Variants in MAPKAP1 observed in about 807,000 individuals in gnomAD.
The protein encoded by MAPKAP1 is target of rapamycin complex 2 subunit MAPKAP1.
Under a neutral mutation model 65.7 loss-of-function variants are expected in MAPKAP1, and 20 were observed. The ratio of observed to expected loss-of-function variants is 0.30; its 90% CI spans 0.21 to 0.44. MAPKAP1 has a LOEUF of 0.44. MAPKAP1 is among the 20% of genes least tolerant of loss of function. The pLI, the probability that MAPKAP1 is intolerant of heterozygous loss-of-function variation, is 1.00. For synonymous variants in MAPKAP1, 222 were observed against 244.3 expected (o/e 0.91, Z 0.85); for missense variants, 423 against 648.0 (o/e 0.65, Z 3.77).
intron 10 of MAPKAP1, among the ~76,000 whole-genome samples, chr9:125,450,848 G>C (rs1211073186): frequency 1.3e-5 from 2 of 152,104 alleles, no homozygotes; most frequent in African/African-American, 4.8e-5. Flanking sequence ...GGGTTCTTTG[G>C]TCTCTGGGCT....
At chr9:125,442,745 C>T (rs1471625184) in intron 11 of MAPKAP1, among the ~76,000 whole-genome samples, 1 of 152,184 alleles carries the variant, frequency 6.6e-6, no homozygotes, top group Non-Finnish European at 1.5e-5. Flanking sequence ...TATGAACCCT[C>T]TCCCTTTCAT....
intron 7 of MAPKAP1, among the ~76,000 whole-genome samples, chr9:125,533,495 G>A (rs551887702): frequency 1.3e-5 from 2 of 151,696 alleles, no homozygotes; most frequent in Admixed American, 6.6e-5. Context: ...TGTCACCCAC[G>A]CTAGAGTACA....
chr9:125,511,616 T>C (rs1286752078), intron 7 of MAPKAP1, among the ~76,000 whole-genome samples: 2 of 152,160 alleles, frequency 1.3e-5, no homozygotes, highest in African/African-American at 4.8e-5. Context: ...GAGGCTGACA[T>C]GGGAGGAAAA....
At chr9:125,542,996 C>G (rs141918014) in intron 7 of MAPKAP1, 63 bp downstream of exon 7, 18 of 1,071,430 alleles carry the variant, frequency 1.7e-5, no homozygotes, top group African/African-American at 9.3e-5. Flanking sequence ...ACACACACCC[C>G]CTATGCCCTT....
At chr9:125,658,777 C>T (rs1588046553) in intron 3 of MAPKAP1, among the ~76,000 whole-genome samples, 1 of 152,104 alleles carries the variant, frequency 6.6e-6, no homozygotes, top group African/African-American at 2.4e-5. Context: ...ATCAAGGTGG[C>T]GGTAGCTAGA....
chr9:125,630,738 G>T (rs74413993), intron 4 of MAPKAP1, among the ~76,000 whole-genome samples: 6,355 of 151,992 alleles, frequency 0.042, 271 homozygotes, highest in African/African-American at 0.11. Context: ...TTGGAAATGG[G>T]GCCTAATGGG....
chr9:125,643,229 C>T (rs750377088), intron 4 of MAPKAP1, among the ~76,000 whole-genome samples: 4 of 151,578 alleles, frequency 2.6e-5, no homozygotes, highest in Non-Finnish European at 5.9e-5. Context: ...GAGTCTCACT[C>T]TGTCACCCAG....
At chr9:125,479,928 C>G (rs950310261) in intron 9 of MAPKAP1, among the ~76,000 whole-genome samples, 1 of 152,168 alleles carries the variant, frequency 6.6e-6, no homozygotes, top group Non-Finnish European at 1.5e-5. Flanking sequence ...GGTGACCATC[C>G]ATCAGTGTCA....
At chr9:125,472,565 T>C (rs1326020566) in intron 9 of MAPKAP1, among the ~76,000 whole-genome samples, 2 of 152,224 alleles carry the variant, frequency 1.3e-5, no homozygotes, top group African/African-American at 4.8e-5. Flanking sequence ...AGGCACTCCT[T>C]ACAGTGTCAC....
At chr9:125,650,811 T>A (rs1294730628) in intron 4 of MAPKAP1, among the ~76,000 whole-genome samples, 1 of 152,160 alleles carries the variant, frequency 6.6e-6, no homozygotes. Flanking sequence ...AAACATTTTG[T>A]TGTGATTCCT....
intron 4 of MAPKAP1, among the ~76,000 whole-genome samples, chr9:125,641,248 G>A (rs1361774602): frequency 6.6e-6 from 1 of 152,032 alleles, no homozygotes; most frequent in Non-Finnish European, 1.5e-5. Context: ...ACACATAATA[G>A]CCATTCAAAA....
chr9:125,563,725 ATTATTT>A (rs931569682), intron 5 of MAPKAP1, among the ~76,000 whole-genome samples: 15 of 151,464 alleles, frequency 9.9e-5, no homozygotes, highest in Non-Finnish European at 1.9e-4. Context: ...TATTATTATT[ATTATTT>A]TTGAGATGGA....
At position 125,609,339 on chromosome 9, in the gene MAPKAP1, G is replaced by GAT. The variant is rs559012094; in HGVS notation, c.499-23614_499-23613dup. On this transcript the variant is annotated intron_variant, in intron 4 of 11. Transcript: ENST00000265960. ...ACTTCCTTTGACCCAAAGGGGTAGG[G>GAT]ATATATATGCTCAACTAAATGAACA... is the stretch of plus-strand genomic sequence containing the variant. 1.7e-4 allele frequency among the ~76,000 whole-genome samples: 26 copies of GAT among 152,224 alleles called. No homozygotes were observed. The East Asian group carries it at 4.8e-3, about 28-fold the overall frequency.
At chr9:125,578,661 C>T (rs932177798) in intron 5 of MAPKAP1, among the ~76,000 whole-genome samples, 8 of 152,144 alleles carry the variant, frequency 5.3e-5, no homozygotes, top group African/African-American at 1.2e-4. Flanking sequence ...CAAATAAGAC[C>T]GGTTTATACT....
intron 8 of MAPKAP1, among the ~76,000 whole-genome samples, 195 bp from the exon 9 acceptor site, chr9:125,484,778 A>G (rs1854440670): frequency 6.6e-6 from 1 of 152,202 alleles, no homozygotes; most frequent in Admixed American, 6.5e-5. Context: ...AATTAATTCC[A>G]CAAACACTAT....
chr9:125,639,167 G>C (rs1048442668), intron 4 of MAPKAP1, among the ~76,000 whole-genome samples: 1 of 152,188 alleles, frequency 6.6e-6, no homozygotes, highest in Non-Finnish European at 1.5e-5. Context: ...CTTGAACCCA[G>C]GAGGCGGAGG....
At chr9:125,523,934 T>C (rs2133121303) in intron 7 of MAPKAP1, among the ~76,000 whole-genome samples, 1 of 152,374 alleles carries the variant, frequency 6.6e-6, no homozygotes, top group African/African-American at 2.4e-5. Context: ...TGGCTCCACC[T>C]GTCAACAGGG....
intron 1 of MAPKAP1, among the ~76,000 whole-genome samples, chr9:125,703,928 AGTTT>A (rs1835682227): frequency 6.6e-6 from 1 of 152,204 alleles, no homozygotes; most frequent in South Asian, 2.1e-4. Flanking sequence ...CAACTGCAAA[AGTTT>A]CTGAAGTCTT....
In MAPKAP1 at chr9:125,681,283, C is replaced by G. The variant is rs143543308; in HGVS notation, c.-69-8640G>C. Reference sequence around the variant, plus strand: ...TGTTGTGGAAATTCTGAACCTTGGCCTCAAGAGCGCTTGCAGCTTCTGCCC... The same window carrying G: ...TGTTGTGGAAATTCTGAACCTTGGCGTCAAGAGCGCTTGCAGCTTCTGCCC... On this transcript the variant is annotated intron_variant, in intron 1 of 11. Transcript: ENST00000265960. Among the ~76,000 whole-genome samples the G allele has an allele frequency of 8.1e-4, 123 of 152,300 alleles. 2 individuals carry two copies. Among genetic ancestry groups the G allele is most frequent in the African/African-American group, 2.7e-3 (114 of 41,570 alleles).
Sources: allele counts gnomAD v4.1 joint callset (sites outside exome capture counted in the v4.1 genomes callset), GRCh38; gene constraint gnomAD v4.1.1; transcripts MANE v1.5; gene names NCBI Gene and HGNC (gene_info 2026-07-23, HGNC 2026-07-21).